Variants in TCHP observed in about 807,000 individuals in gnomAD.
TCHP encodes trichoplein keratin filament binding, also known as trichoplein keratin filament-binding protein.
In TCHP, 81 loss-of-function variants were observed where a neutral mutation model predicts 88.7. That is an observed-to-expected ratio of 0.91 (90% CI 0.76 to 1.10). TCHP has a LOEUF of 1.10. Among genes scored for constraint, TCHP ranks in the 50% least tolerant of loss-of-function variants. The probability of loss-of-function intolerance (pLI) is 0.00; values close to 1 mark genes in which losing one functional copy is unlikely to be tolerated. For missense variants in TCHP, 641 were observed against 632.1 expected (o/e 1.01, Z -0.15); for synonymous variants, 232 against 232.5 (o/e 1.00, Z 0.02).
chr12:109,901,576 C>G (rs972189252), intron 1 of TCHP, among the ~76,000 whole-genome samples: 4 of 152,192 alleles, frequency 2.6e-5, no homozygotes, highest in African/African-American at 9.7e-5. Flanking sequence ...CAGGATTTTG[C>G]TCAAAAGATA....
chr12:109,909,887 C>T (rs1024989677), intron 8 of TCHP, among the ~76,000 whole-genome samples: 1 of 152,160 alleles, frequency 6.6e-6, no homozygotes, highest in Non-Finnish European at 1.5e-5. Context: ...ATCATTTGAA[C>T]CTGGTAGGTG....
the TCHP span, among the ~76,000 whole-genome samples, chr12:109,893,155 G>T: frequency 4.6e-5 from 7 of 152,208 alleles, no homozygotes; most frequent in South Asian, 8.3e-4. Context: ...TGAGGTGGGT[G>T]GATCACCTGA....
intron 8 of TCHP, among the ~76,000 whole-genome samples, chr12:109,909,825 G>A (rs959652482): frequency 3.9e-5 from 6 of 152,178 alleles, no homozygotes; most frequent in Admixed American, 3.9e-4. Context: ...AATTAGCCGG[G>A]TGTGGTGGCA....
chr12:109,892,961 C>T, the TCHP span, among the ~76,000 whole-genome samples: 1 of 152,328 alleles, frequency 6.6e-6, no homozygotes, highest in African/African-American at 2.4e-5. Context: ...TTCACTATCA[C>T]GCTGGCTCTG....
the TCHP span, chr12:109,887,783 T>C: frequency 1.3e-5 from 2 of 152,434 alleles, no homozygotes; most frequent in East Asian, 1.9e-4. Context: ...TTGTTGTTTT[T>C]GTTGTTTAGA....
chr12:109,887,591 C>A, the TCHP span, among the ~76,000 whole-genome samples: 2 of 152,056 alleles, frequency 1.3e-5, no homozygotes, highest in African/African-American at 4.8e-5. Context: ...CCATAGGTTA[C>A]AACTTCCTAT....
the TCHP span, chr12:109,888,056 G>A: frequency 6.6e-6 from 1 of 152,624 alleles, no homozygotes; most frequent in Admixed American, 6.5e-5. Context: ...TTACAGGTGT[G>A]AGCCACTGCA....
chr12:109,913,919 G>T (rs767321213), intron 10 of TCHP, among the ~76,000 whole-genome samples: 1 of 152,210 alleles, frequency 6.6e-6, no homozygotes, highest in Non-Finnish European at 1.5e-5. Context: ...CAGCCTAACT[G>T]TTGAGAGTGT....
chr12:109,915,658 G>T (rs1489576528), intron 12 of TCHP, 112 bp downstream of exon 12: 4 of 1,260,584 alleles, frequency 3.2e-6, no homozygotes, highest in Non-Finnish European at 4.3e-6. Context: ...CCGGCCGTCC[G>T]GGTTATTCCT....
upstream of TCHP, among the ~76,000 whole-genome samples, chr12:109,895,841 A>T (rs1487506375): frequency 1.3e-5 from 2 of 152,068 alleles, no homozygotes; most frequent in African/African-American, 4.8e-5. Flanking sequence ...AGCAGCTCCA[A>T]CCTGCGGGTT....
At chr12:109,916,321 ACAG>A (rs1417437284) in intron 12 of TCHP, among the ~76,000 whole-genome samples, 1 of 152,250 alleles carries the variant, frequency 6.6e-6, no homozygotes, top group Non-Finnish European at 1.5e-5. Flanking sequence ...GTCACAGGGA[ACAG>A]CATTTCCTAA....
chr12:109,908,636 G>C lies in TCHP; in HGVS notation c.750G>C (p.Glu250Asp). 6.2e-7 allele frequency: 1 copy of C among 1,602,968 alleles called. No individual in the cohort carries two copies. The highest frequency in any genetic ancestry group is 8.5e-7 in the Non-Finnish European group (1 of 1,176,036). Reference protein sequence around the residue: ...EQENLLKQRWELERLEEERKQ... With the variant: ...EQENLLKQRWDLERLEEERKQ... ...AGAATCTGTTGAAGCAGCGGTGGGA[G>C]CTAGAGAGGCTGGAGGAAGAGCGAA... The change falls in exon 7 of 13, where the codon GAG (glutamate) becomes GAC (aspartate). Residue 250 changes from glutamate (E) to aspartate (D), a missense_variant. Transcript: ENST00000405876.
rs1159096001 is a variant in TCHP at position 109,907,670 on chromosome 12, A to G, written c.670A>G (p.Met224Val). 3 of 1,611,184 alleles carry G rather than the reference A, an allele frequency of 1.9e-6. No homozygotes were observed. The highest frequency in any genetic ancestry group is 2.5e-6 in the Non-Finnish European group (3 of 1,178,916). The change falls in exon 6 of 13, where the codon ATG (methionine) becomes GTG (valine). Residue 224 changes from methionine to valine, a missense_variant. Coordinates refer to ENST00000405876, the MANE Select transcript of TCHP (RefSeq NM_001143852.2). ...CCAGGCCGAGGCACTGCTGCAACAG[A>G]TGGAGGAGCTGAAGCTGAAGGAGGT... ...KLQAEALLQQ[M>V]EELKLKEVEA...
chr12:109,894,458 G>A, the TCHP span, among the ~76,000 whole-genome samples: 3 of 122,986 alleles, frequency 2.4e-5, no homozygotes, highest in East Asian at 2.5e-4. Flanking sequence ...GCAAGACTCC[G>A]TCTCAAAAAA....
Position 109,916,756 on chromosome 12 carries a change from G to C in TCHP, c.*133G>C. The C allele has an allele frequency of 1.3e-6, 1 of 778,216 alleles. No individual in the cohort carries two copies. Among genetic ancestry groups the C allele is most frequent in the Non-Finnish European group, 2.1e-6 (1 of 478,530 alleles). The allele number at this position is 778,216 out of a possible 1,614,324, so 48.2% of individuals were successfully genotyped here. On this transcript the variant is annotated 3_prime_UTR_variant, in exon 13 of 13. Coordinates refer to ENST00000405876, the MANE Select transcript of TCHP (RefSeq NM_001143852.2). ...CAGATGGCTCAGCAGTGCCTGCTCA[G>C]GTTCATCATTGAAACATCCCAGTGT... is the stretch of plus-strand genomic sequence containing the variant.
chr12:109,889,638 A>G, the TCHP span, among the ~76,000 whole-genome samples: 1 of 152,158 alleles, frequency 6.6e-6, no homozygotes, highest in Non-Finnish European at 1.5e-5. Flanking sequence ...GACAGTAGCA[A>G]TGCTAACTCC....
At chr12:109,906,148 G>A (rs1175900468) in intron 4 of TCHP, among the ~76,000 whole-genome samples, 22 of 152,202 alleles carry the variant, frequency 1.4e-4, no homozygotes, top group African/African-American at 1.2e-4. Context: ...CAGGGAGTAC[G>A]TAGTCCATCT....
Position 109,915,538 on chromosome 12 carries a change from C to A in TCHP, c.1456C>A (p.Arg486=), listed in dbSNP as rs141514320. 2 of 1,612,728 alleles carry A rather than the reference C, an allele frequency of 1.2e-6. No individual in the cohort carries two copies. Among genetic ancestry groups the A allele is most frequent in the Admixed American group, 1.7e-5 (1 of 59,922 alleles). ...EAETMAEQGY[R]PKPYGHPKIA... ...GGAGACTATGGCTGAGCAGGGCTAC[C>A]GGCCTAAGGTAGGAAGTCTGCCAGG... Residue 486 remains arginine (R), a synonymous_variant, in exon 12 of 13, where the codon CGG becomes AGG. Transcript: ENST00000405876.
chr12:109,890,257 T>G, the TCHP span, among the ~76,000 whole-genome samples: 3 of 129,070 alleles, frequency 2.3e-5, no homozygotes, highest in Non-Finnish European at 4.8e-5. Flanking sequence ...TGAAGAAACA[T>G]GAAAATGAAC....
Sources: gnomAD v4.1 joint callset for allele counts (sites outside exome capture counted in the v4.1 genomes callset) on GRCh38, gnomAD v4.1.1 for gene constraint, MANE v1.5 for transcripts, NCBI Gene and HGNC (gene_info 2026-07-23, HGNC 2026-07-21) for gene names.